PHLDB1: variants seen among roughly 807,000 people sequenced by gnomAD.
PHLDB1 encodes pleckstrin homology-like domain family B member 1.
In PHLDB1, 65 loss-of-function variants were observed where a neutral mutation model predicts 139.3. That is an observed-to-expected ratio of 0.47 (90% CI 0.38 to 0.57). The LOEUF (loss-of-function observed/expected upper bound fraction) is 0.57, where lower values mean the gene tolerates loss of function less well. Ranked by LOEUF, PHLDB1 falls within the 20% of genes least tolerant of loss-of-function variation. PHLDB1 has a pLI of 0.00. For missense variants in PHLDB1, 1,624 were observed against 1,839.7 expected, an observed-to-expected ratio of 0.88 and a Z score of 2.14; for synonymous variants, 679 against 734.5, an observed-to-expected ratio of 0.92 and a Z score of 1.22.
Position 118,644,051 on chromosome 11 carries a change from G to A in PHLDB1, c.3019-21G>A, listed in dbSNP as rs567834219. The A allele has an allele frequency of 3.8e-5, 61 of 1,611,736 alleles. No individual in the cohort carries two copies. The East Asian group carries it at 8.9e-4, about 24-fold the overall frequency. ...GTAAGGGCCTTCTGAGCCCAGGTCCGAACTCTCCATTCCTCTGCAGAGCGC... is the reference window on the plus strand; with the variant it reads ...GTAAGGGCCTTCTGAGCCCAGGTCCAAACTCTCCATTCCTCTGCAGAGCGC... On this transcript the variant is annotated intron_variant, in intron 14 of 22. Transcript: ENST00000600882.
chr11:118,639,209 A>G lies in PHLDB1; in HGVS notation c.2694A>G (p.Thr898=), dbSNP rs1484955214. ...TGGAAAGGAGATACCACTCACTCAC[A>G]GGGGGCAGGCCTTTCCCGAAGACCA... ...TVLERRYHSL[T]GGRPFPKTTS... Residue 898 remains threonine (T), a synonymous_variant, in exon 12 of 23, where the codon ACA becomes ACG. Transcript: ENST00000600882. 1 of 1,614,002 alleles carries G rather than the reference A, an allele frequency of 6.2e-7. No individual in the cohort carries two copies.
Position 118,620,406 on chromosome 11 carries a change from C to T in PHLDB1, c.355+4195C>T, listed in dbSNP as rs1942532500. The stretch of plus-strand genomic sequence containing the variant: ...CTATGGGAGGCTGAGGCAGGAGAAT[C>T]GCTTGAACCCCGGAGGCGGAGGTTG... On this transcript the variant is annotated intron_variant, in intron 4 of 22. Coordinates refer to ENST00000600882, the MANE Select transcript of PHLDB1 (RefSeq NM_001144758.3). This position sits in a 1 kb window ranked among gnomAD's most constrained non-coding sequence, Gnocchi z 4.1. Among the ~76,000 whole-genome samples the T allele has an allele frequency of 6.6e-6, 1 of 152,210 alleles. No homozygotes were observed. Among genetic ancestry groups the T allele is most frequent in the African/African-American group, 2.4e-5 (1 of 41,460 alleles).
At chr11:118,648,440 A>C (rs1555132364) in intron 18 of PHLDB1, among the ~76,000 whole-genome samples, 1 of 151,998 alleles carries the variant, frequency 6.6e-6, no homozygotes, top group African/African-American at 2.4e-5. Context: ...GTCAAGAATC[A>C]GAGTGGCTCC....
rs1555142230 is a variant in PHLDB1 at position 118,656,764 on chromosome 11, C to T, written c.4075C>T (p.Arg1359Cys). 6.8e-6 allele frequency: 11 copies of T among 1,613,602 alleles called. No individual in the cohort carries two copies. The highest frequency in any genetic ancestry group is 4.4e-5 in the South Asian group (4 of 91,078). Residue 1359 changes from arginine (R) to cysteine (C), a missense_variant, in exon 23 of 23, where the codon CGT becomes TGT. By Grantham distance (180) the Arg-to-Cys change is radical. Transcript: ENST00000600882. Reference sequence around the variant, plus strand: ...GGTGGCCCCATCTGCAGAGGCCATGCGTATCTGGATGGATGTCATTGTCAC... The same window carrying T: ...GGTGGCCCCATCTGCAGAGGCCATGTGTATCTGGATGGATGTCATTGTCAC... ...YMVAPSAEAM[R>C]IWMDVIVTGA...
chr11:118,619,276 T>C (rs1942284190), intron 4 of PHLDB1, among the ~76,000 whole-genome samples: 2 of 152,118 alleles, frequency 1.3e-5, no homozygotes, highest in South Asian at 2.1e-4. Flanking sequence ...CGAGCCCTGG[T>C]CTCCAGTCTC....
Position 118,620,099 on chromosome 11 carries a change from A to C in PHLDB1, c.355+3888A>C, listed in dbSNP as rs1555093282. Among the ~76,000 whole-genome samples, 1 of 152,178 alleles carries C rather than the reference A, an allele frequency of 6.6e-6. No individual in the cohort carries two copies. Among genetic ancestry groups the C allele is most frequent in the East Asian group, 1.9e-4 (1 of 5,202 alleles). On this transcript the variant is annotated intron_variant, in intron 4 of 22. Coordinates refer to ENST00000600882, the MANE Select transcript of PHLDB1 (RefSeq NM_001144758.3). This position sits in a 1 kb window ranked among gnomAD's most constrained non-coding sequence, Gnocchi z 4.1. ...CTGTGTCAGGCTGTGTGAGCTGCTGAGAGCATAAAACATTGTGTCCCGTAA... is the reference window on the plus strand; with the variant it reads ...CTGTGTCAGGCTGTGTGAGCTGCTGCGAGCATAAAACATTGTGTCCCGTAA...
rs781993431 is a variant in PHLDB1 at position 118,643,845 on chromosome 11, C to T, written c.2923C>T (p.Arg975Trp). 21 of 1,613,836 alleles carry T rather than the reference C, an allele frequency of 1.3e-5. No homozygotes were observed. Among genetic ancestry groups the T allele is most frequent in the East Asian group, 6.7e-5 (3 of 44,892 alleles). ...TGGCGAGGCCACCAGCCCCCTTCCC[C>T]GGACCCGCAGCGGCCCCCTCCCCTC... ...MDGEATSPLP[R>W]TRSGPLPSSS... The change falls in exon 14 of 23, where the codon CGG (arginine) becomes TGG (tryptophan). Residue 975 changes from arginine (R) to tryptophan (W), a missense_variant. By Grantham distance (101) the Arg-to-Trp change is moderately radical (BLOSUM62 -3). Transcript: ENST00000600882.
At chr11:118,627,152 C>G in intron 5 of PHLDB1, 153 bp from the exon 6 acceptor site, 1 of 698,930 alleles carries the variant, frequency 1.4e-6, no homozygotes, top group Admixed American at 2.8e-5. Context: ...CATAGCAGGT[C>G]AGTGGCAGAG....
rs542690512 is a variant in PHLDB1, at chr11:118,628,000, A to G, written c.1177A>G (p.Asn393Asp). ...KFQPPVPAPR[N>D]KIGTLQDRPP... ...TCAGCCTCCAGTCCCTGCTCCCCGA[A>G]ACAAGATTGGCACACTCCAGGACCG... The change falls in exon 6 of 23, where the codon AAC becomes GAC. Residue 393 changes from asparagine to aspartate, a missense_variant. Physicochemically the swap from Asn to Asp is conservative, Grantham distance 23. Transcript: ENST00000600882. 6 of 1,613,694 alleles carry G rather than the reference A, an allele frequency of 3.7e-6. No homozygotes were observed. Among genetic ancestry groups the G allele is most frequent in the Non-Finnish European group, 5.1e-6 (6 of 1,179,972 alleles).
At chr11:118,635,073 C>T in intron 9 of PHLDB1, 1 of 502,550 alleles carries the variant, frequency 2.0e-6, no homozygotes, top group Non-Finnish European at 3.8e-6. Context: ...CGCCCCCCCT[C>T]CCCCGGCCCC....
At chr11:118,629,734 G>A (rs1944461722) in intron 6 of PHLDB1, among the ~76,000 whole-genome samples, 1 of 152,168 alleles carries the variant, frequency 6.6e-6, no homozygotes. Context: ...CATTGGTCTA[G>A]ACGGGAATGC....
At chr11:118,654,713 C>CAT (rs1948788349) in intron 20 of PHLDB1, 1 of 83,508 alleles carries the variant, frequency 1.2e-5, no homozygotes. Context: ...CTTTCTTTCT[C>CAT]TTTTTTTTTT....
chr11:118,631,771 G>GTT (rs1274967702), intron 7 of PHLDB1, 142 bp from the exon 8 acceptor site: 1 of 1,017,104 alleles, frequency 9.8e-7, no homozygotes, highest in Non-Finnish European at 1.4e-6. Context: ...AAAGGTGGGG[G>GTT]TTGCGGGGGG....
At chr11:118,613,790 T>A (rs1555085960) in intron 1 of PHLDB1, 26 bp from the exon 2 acceptor site, 1 of 1,520,160 alleles carries the variant, frequency 6.6e-7, no homozygotes, top group Non-Finnish European at 9.1e-7. Context: ...GCCTCCCCAC[T>A]CACCACCTTT....
In PHLDB1 at chr11:118,645,500, A is replaced by G; in HGVS notation, c.3266A>G (p.His1089Arg). The change falls in exon 16 of 23, where the codon CAC becomes CGC. Residue 1089 changes from histidine (H) to arginine (R), a missense_variant. Transcript: ENST00000600882. This position sits in a 1 kb window ranked among gnomAD's most constrained non-coding sequence, Gnocchi z 5.1. ...TCGGGCTTCCCCCCTCTCATGCACC[A>G]CTCTATCCTACACCACCTGCCTGCG... ...GPSGFPPLMHHSILHHLPAGR... is the reference protein window; with the variant it reads ...GPSGFPPLMHRSILHHLPAGR... The G allele has an allele frequency of 6.2e-7, 1 of 1,611,986 alleles. No homozygotes were observed. Among genetic ancestry groups the G allele is most frequent in the South Asian group, 1.1e-5 (1 of 90,794 alleles).
In PHLDB1 at chr11:118,645,310, A is replaced by C; in HGVS notation, c.3122-46A>C. On this transcript the variant is annotated intron_variant, in intron 15 of 22. Coordinates refer to ENST00000600882, the MANE Select transcript of PHLDB1 (RefSeq NM_001144758.3). This position sits in a 1 kb window ranked among gnomAD's most constrained non-coding sequence, Gnocchi z 5.1. The stretch of plus-strand genomic sequence containing the variant: ...TTGTGCTGCCAGTGGCCTGCTCCTT[A>C]GCTGCGTGGGGAGCCCACTGTGACT... The C allele has an allele frequency of 1.4e-6, 2 of 1,448,628 alleles. No homozygotes were observed. Among genetic ancestry groups the C allele is most frequent in the Non-Finnish European group, 1.8e-6 (2 of 1,081,884 alleles). 89.7% of individuals were successfully genotyped at this position (1,448,628 alleles called of 1,614,324 possible). A position where few individuals can be genotyped will look rare whatever the true frequency, so the allele number is the denominator to read the frequency against.
At position 118,631,497 on chromosome 11, in the gene PHLDB1, G is replaced by A. The variant is rs1555110518; in HGVS notation, c.2100+18G>A. 1.4e-6 allele frequency: 2 copies of A among 1,421,576 alleles called. No individual in the cohort carries two copies. Among genetic ancestry groups the A allele is most frequent in the East Asian group, 2.6e-5 (1 of 38,864 alleles). The allele number at this position is 1,421,576 out of a possible 1,614,324, so 88.1% of individuals were successfully genotyped here. The stretch of plus-strand genomic sequence containing the variant: ...AGCAGGAGGTGAGATGGAGGGGTAG[G>A]CAAGACAAAGAGGCTGAAGTTGGAC... On this transcript the variant is annotated intron_variant, in intron 7 of 22. Coordinates refer to ENST00000600882, the MANE Select transcript of PHLDB1 (RefSeq NM_001144758.3).
intron 20 of PHLDB1, 103 bp from the exon 21 acceptor site, chr11:118,655,502 C>T: frequency 1.4e-6 from 1 of 736,066 alleles, no homozygotes; most frequent in Non-Finnish European, 2.4e-6. Context: ...AGGATCTTCA[C>T]CCCATTTCCC....
At chr11:118,630,982 T>C (rs1338247529) in intron 6 of PHLDB1, among the ~76,000 whole-genome samples, 8 of 145,266 alleles carry the variant, frequency 5.5e-5, no homozygotes, top group African/African-American at 1.8e-4. Flanking sequence ...TGTTATGCCA[T>C]GTGGGCATGT....
Sources: allele counts gnomAD v4.1 joint callset (sites outside exome capture counted in the v4.1 genomes callset), GRCh38; gene constraint gnomAD v4.1.1; non-coding constraint Gnocchi (gnomAD v3.1); transcripts MANE v1.5; gene names NCBI Gene and HGNC (gene_info 2026-07-23, HGNC 2026-07-21).